CDKAL1: variants seen among roughly 807,000 people sequenced by gnomAD.
CDKAL1 encodes threonylcarbamoyladenosine tRNA methylthiotransferase.
CDKAL1 carries 32 observed loss-of-function variants against 68.2 expected under a neutral mutation model. The ratio of observed to expected loss-of-function variants is 0.47; its 90% CI spans 0.35 to 0.63. The LOEUF is 0.63. Ranked by LOEUF, CDKAL1 falls within the 30% of genes least tolerant of loss-of-function variation. The pLI, the probability that CDKAL1 is intolerant of heterozygous loss-of-function variation, is 0.00. For synonymous variants in CDKAL1, 234 were observed against 244.3 expected, an observed-to-expected ratio of 0.96 and a Z score of 0.39; for missense variants, 606 against 696.7, an observed-to-expected ratio of 0.87 and a Z score of 1.47.
chr6:20,629,319 C>G (rs1767571600), intron 4 of CDKAL1, among the ~76,000 whole-genome samples: 1 of 152,126 alleles, frequency 6.6e-6, no homozygotes, highest in African/African-American at 2.4e-5. Context: ...CAAGTAACAC[C>G]TGACTTTGAT....
In CDKAL1 at chr6:21,099,863, A is replaced by C. The variant is rs534459491; in HGVS notation, c.1237-8538A>C. ...AAGGCTAATCATTTTGGCAACACTT[A>C]TTACTGCAAATTAGTTAAGTCTCTT... On this transcript the variant is annotated intron_variant, in intron 12 of 15. Transcript: ENST00000274695. 7.9e-5 allele frequency among the ~76,000 whole-genome samples: 12 copies of C among 152,348 alleles called. No homozygotes were observed. In the South Asian group the frequency reaches 2.1e-3, roughly 26 times the overall value.
chr6:20,878,100 T>G (rs1760619947), intron 9 of CDKAL1, among the ~76,000 whole-genome samples: 2 of 152,188 alleles, frequency 1.3e-5, no homozygotes, highest in South Asian at 4.1e-4. Flanking sequence ...ACTGTGGTAT[T>G]TAATGGTATT....
intron 5 of CDKAL1, among the ~76,000 whole-genome samples, chr6:20,674,901 A>G (rs1175460273): frequency 2.0e-5 from 3 of 152,136 alleles, no homozygotes; most frequent in Admixed American, 6.5e-5. Context: ...TCTGATTAGG[A>G]CTTCCTCTTA....
intron 6 of CDKAL1, among the ~76,000 whole-genome samples, chr6:20,745,602 A>G (rs1773632064): frequency 6.6e-6 from 1 of 152,088 alleles, no homozygotes; most frequent in Non-Finnish European, 1.5e-5. Context: ...TGTTTCACCT[A>G]TTGAATGATT....
chr6:21,195,416 G>T (rs1778423598), intron 13 of CDKAL1, among the ~76,000 whole-genome samples: 1 of 152,050 alleles, frequency 6.6e-6, no homozygotes. Flanking sequence ...ACCCGCCCTG[G>T]CCTCCCAAGG....
At chr6:20,798,878 G>A (rs552634149) in intron 8 of CDKAL1, among the ~76,000 whole-genome samples, 145 of 144,256 alleles carry the variant, frequency 1.0e-3, no homozygotes, top group African/African-American at 3.6e-3. Context: ...AAACCTACAC[G>A]TTGTGCACGT....
At chr6:20,612,514 G>A (rs1032485109) in intron 4 of CDKAL1, among the ~76,000 whole-genome samples, 1 of 152,022 alleles carries the variant, frequency 6.6e-6, no homozygotes, top group Non-Finnish European at 1.5e-5. Context: ...GTGATGTTGA[G>A]CATTTTTCCA....
rs574734411 is a variant in CDKAL1, at chr6:21,155,679, A to G, written c.1300-42342A>G. ...GAATTAGTTGATTCACTTATAAGTC[A>G]CTTTGCAATTTGGTGATTATTCATT... On this transcript the variant is annotated intron_variant, in intron 13 of 15. Coordinates refer to ENST00000274695, the MANE Select transcript of CDKAL1 (RefSeq NM_017774.3). Among the ~76,000 whole-genome samples, 6 of 152,326 alleles carry G rather than the reference A, an allele frequency of 3.9e-5. No individual in the cohort carries two copies. In the South Asian group the frequency reaches 1.2e-3, roughly 32 times the overall value.
chr6:20,849,155 G>A (rs1758864019), intron 9 of CDKAL1, among the ~76,000 whole-genome samples: 2 of 152,022 alleles, frequency 1.3e-5, no homozygotes, highest in South Asian at 4.1e-4. Context: ...ATACTGCTCT[G>A]TTGCTTACCA....
intron 11 of CDKAL1, among the ~76,000 whole-genome samples, chr6:21,012,581 T>G (rs576488891): frequency 6.6e-6 from 1 of 152,134 alleles, no homozygotes; most frequent in South Asian, 2.1e-4. Context: ...ATTTGAAAAA[T>G]GGGAGAATAA....
intron 5 of CDKAL1, among the ~76,000 whole-genome samples, chr6:20,670,804 A>G: frequency 6.6e-6 from 1 of 152,126 alleles, no homozygotes; most frequent in East Asian, 1.9e-4. Flanking sequence ...TATAGATACT[A>G]TTTTACTTTT....
intron 4 of CDKAL1, among the ~76,000 whole-genome samples, chr6:20,572,132 G>A (rs1764728804): frequency 6.6e-6 from 1 of 152,136 alleles, no homozygotes; most frequent in African/African-American, 2.4e-5. Flanking sequence ...GAGGCAGCCA[G>A]GTTAGCTTTA....
chr6:20,973,577 A>T (rs942239940), intron 10 of CDKAL1, among the ~76,000 whole-genome samples: 1 of 152,170 alleles, frequency 6.6e-6, no homozygotes, highest in Non-Finnish European at 1.5e-5. Flanking sequence ...CAGGTGATCC[A>T]ACATAGGATC....
intron 13 of CDKAL1, among the ~76,000 whole-genome samples, chr6:21,190,834 G>T (rs1407710459): frequency 6.6e-6 from 1 of 151,936 alleles, no homozygotes; most frequent in African/African-American, 2.4e-5. Flanking sequence ...TGAATTTTTT[G>T]TTACTCTATT....
At chr6:20,735,891 C>T (rs900239853) in intron 5 of CDKAL1, among the ~76,000 whole-genome samples, 4 of 152,152 alleles carry the variant, frequency 2.6e-5, no homozygotes, top group African/African-American at 9.7e-5. Flanking sequence ...TGTTTGTACA[C>T]CTCTATAAAA....
chr6:20,880,411 A>G (rs1022869411), intron 9 of CDKAL1, among the ~76,000 whole-genome samples: 12 of 152,106 alleles, frequency 7.9e-5, no homozygotes, highest in Admixed American at 3.3e-4. Context: ...ACGCACCACC[A>G]TGCCCAGCTA....
intron 11 of CDKAL1, among the ~76,000 whole-genome samples, chr6:21,030,743 G>A (rs997040973): frequency 6.6e-6 from 1 of 152,028 alleles, no homozygotes; most frequent in Non-Finnish European, 1.5e-5. Flanking sequence ...TTTGCAGAAG[G>A]GAATGCATGC....
intron 9 of CDKAL1, among the ~76,000 whole-genome samples, chr6:20,874,804 C>T (rs1306200785): frequency 1.3e-5 from 2 of 151,588 alleles, no homozygotes; most frequent in Non-Finnish European, 2.9e-5. Flanking sequence ...TGCCAGGCCA[C>T]AATATTTTAA....
chr6:21,031,145 G>A (rs1769263210), intron 11 of CDKAL1, among the ~76,000 whole-genome samples: 2 of 151,986 alleles, frequency 1.3e-5, no homozygotes, highest in Admixed American at 6.6e-5. Flanking sequence ...AAGCTCACTG[G>A]TTGTTGAGAA....
Sources: allele counts gnomAD v4.1 joint callset (sites outside exome capture counted in the v4.1 genomes callset), GRCh38; gene constraint gnomAD v4.1.1; transcripts MANE v1.5; gene names NCBI Gene and HGNC (gene_info 2026-07-23, HGNC 2026-07-21).